The following NME7 variants were observed in gnomAD, a reference collection of about 807,000 sequenced individuals.
The protein encoded by NME7 is NME/NM23 family member 7, also known as nucleoside diphosphate kinase 7.
NME7 carries 41 observed loss-of-function variants against 49.1 expected under a neutral mutation model. The ratio of observed to expected loss-of-function variants is 0.83; its 90% CI spans 0.65 to 1.08. The LOEUF is 1.08. Ranked by LOEUF, NME7 falls within the 50% of genes least tolerant of loss-of-function variation. The pLI, the probability that NME7 is intolerant of heterozygous loss-of-function variation, is 0.00. For missense variants in NME7, 423 were observed against 463.4 expected, an observed-to-expected ratio of 0.91 and a Z score of 0.80; for synonymous variants, 139 against 150.6, an observed-to-expected ratio of 0.92 and a Z score of 0.56.
intron 10 of NME7, among the ~76,000 whole-genome samples, chr1:169,227,965 A>G (rs1225137887): frequency 5.9e-5 from 9 of 151,770 alleles, no homozygotes; most frequent in Non-Finnish European, 1.5e-5. Flanking sequence ...TGAGGCTTAT[A>G]TTATATCAAC....
intron 7 of NME7, among the ~76,000 whole-genome samples, chr1:169,242,691 A>G (rs980200997): frequency 2.0e-5 from 3 of 151,402 alleles, no homozygotes; most frequent in Non-Finnish European, 4.4e-5. Flanking sequence ...AGCCTAAAAA[A>G]AAATCTAGAA....
At chr1:169,205,689 G>A (rs753545804) in intron 10 of NME7, among the ~76,000 whole-genome samples, 12 of 152,030 alleles carry the variant, frequency 7.9e-5, no homozygotes, top group Admixed American at 3.3e-4. Context: ...CTTCTGCTCC[G>A]GCCCCACTTT....
chr1:169,238,295 G>T (rs1405540267), intron 7 of NME7, among the ~76,000 whole-genome samples: 1 of 151,844 alleles, frequency 6.6e-6, no homozygotes, highest in African/African-American at 2.4e-5. Flanking sequence ...ATCGATAAAG[G>T]CCTTGGATAC....
intron 10 of NME7, among the ~76,000 whole-genome samples, chr1:169,225,956 G>T (rs1647322959): frequency 6.6e-6 from 1 of 152,124 alleles, no homozygotes; most frequent in Admixed American, 6.5e-5. Flanking sequence ...AAAATAATTT[G>T]TAAGAAGCAG....
chr1:169,172,207 G>A (rs1286095559), intron 10 of NME7, among the ~76,000 whole-genome samples: 1 of 151,504 alleles, frequency 6.6e-6, no homozygotes, highest in Admixed American at 6.6e-5. Flanking sequence ...ACGTTTTAGA[G>A]TGTTGGTTTT....
intron 3 of NME7, among the ~76,000 whole-genome samples, chr1:169,321,908 T>C (rs1334111604): frequency 6.6e-6 from 1 of 151,654 alleles, no homozygotes. Context: ...AAATAATCCC[T>C]ATTTTAATTA....
intron 1 of NME7, among the ~76,000 whole-genome samples, chr1:169,325,136 T>C (rs1168836590): frequency 1.3e-5 from 2 of 152,032 alleles, no homozygotes; most frequent in Non-Finnish European, 2.9e-5. Flanking sequence ...CAAGGAAGAC[T>C]AGAAAAGCCG....
chr1:169,299,889 G>A (rs897768363), intron 5 of NME7, among the ~76,000 whole-genome samples: 1 of 150,924 alleles, frequency 6.6e-6, no homozygotes, highest in Non-Finnish European at 1.5e-5. Context: ...CAAATCAAAG[G>A]AGCAAACCAT....
intron 10 of NME7, among the ~76,000 whole-genome samples, chr1:169,175,996 C>T (rs3766060): frequency 0.37 from 56,254 of 151,946 alleles, 11,024 homozygotes; most frequent in East Asian, 0.73. Context: ...TGCAACAAGT[C>T]TTGTAATACT....
intron 10 of NME7, 94 bp from the exon 11 acceptor site, chr1:169,169,648 A>G: frequency 9.2e-7 from 1 of 1,092,868 alleles, no homozygotes; most frequent in Non-Finnish European, 1.4e-6. Context: ...TATTTATGAA[A>G]TACATGTTAT....
chr1:169,232,981 C>T (rs757946524), intron 9 of NME7, among the ~76,000 whole-genome samples: 4 of 135,168 alleles, frequency 3.0e-5, no homozygotes, highest in Admixed American at 8.5e-5. Flanking sequence ...CACAGTGGCA[C>T]GATCTTGGCT....
chr1:169,228,101 G>A (rs547832564), intron 10 of NME7, among the ~76,000 whole-genome samples: 85 of 151,264 alleles, frequency 5.6e-4, no homozygotes, highest in Admixed American at 2.1e-3. Context: ...TAGCAATAGG[G>A]TCTCACTATA....
chr1:169,145,381 G>C (rs80164397), intron 11 of NME7, among the ~76,000 whole-genome samples: 2 of 152,110 alleles, frequency 1.3e-5, no homozygotes, highest in Non-Finnish European at 2.9e-5. Flanking sequence ...AGAATCCAAC[G>C]AGACGGCTAA....
At chr1:169,333,123 A>G (rs941878592) in intron 1 of NME7, among the ~76,000 whole-genome samples, 3 of 152,236 alleles carry the variant, frequency 2.0e-5, no homozygotes, top group Admixed American at 6.5e-5. Context: ...CCATTAAGCC[A>G]TAAAAAAGAA....
intron 1 of NME7, among the ~76,000 whole-genome samples, chr1:169,358,127 C>A (rs576829244): frequency 5.3e-5 from 8 of 152,082 alleles, no homozygotes; most frequent in African/African-American, 1.7e-4. Context: ...TTGCATAACA[C>A]CATTAACCTC....
intron 1 of NME7, among the ~76,000 whole-genome samples, chr1:169,326,949 C>T (rs1652082995): frequency 6.6e-6 from 1 of 152,146 alleles, no homozygotes; most frequent in African/African-American, 2.4e-5. Context: ...GGTTTCCTTC[C>T]TCAAATGCTA....
intron 10 of NME7, among the ~76,000 whole-genome samples, chr1:169,172,522 C>T (rs1557972830): frequency 6.6e-6 from 1 of 152,140 alleles, no homozygotes; most frequent in East Asian, 1.9e-4. Flanking sequence ...CTTCATCTTA[C>T]TGACATTCTC....
intron 6 of NME7, among the ~76,000 whole-genome samples, chr1:169,288,099 A>G (rs1264895855): frequency 6.6e-6 from 1 of 152,154 alleles, no homozygotes; most frequent in East Asian, 1.9e-4. Context: ...TCAAGCTCCA[A>G]AGAATCTTAC....
intron 10 of NME7, among the ~76,000 whole-genome samples, chr1:169,204,056 A>C (rs188722665): frequency 2.0e-5 from 3 of 151,818 alleles, no homozygotes; most frequent in Admixed American, 2.0e-4. Flanking sequence ...AGATCTCACA[A>C]TGTTGCCCAG....
Sources: allele counts gnomAD v4.1 joint callset (sites outside exome capture counted in the v4.1 genomes callset), GRCh38; gene constraint gnomAD v4.1.1; transcripts MANE v1.5; gene names NCBI Gene and HGNC (gene_info 2026-07-23, HGNC 2026-07-21).